SNX24: variants seen among roughly 807,000 people sequenced by gnomAD.
SNX24 encodes sorting nexin-24.
SNX24 carries 22 observed loss-of-function variants against 28.7 expected under a neutral mutation model. The observed-to-expected ratio is 0.77, with a 90% CI of 0.55 to 1.10. SNX24 has a LOEUF of 1.10. Among genes scored for constraint, SNX24 ranks in the 50% least tolerant of loss-of-function variants. SNX24 has a pLI of 0.00. For missense variants in SNX24, 221 were observed against 201.1 expected, an observed-to-expected ratio of 1.10 and a Z score of -0.60; for synonymous variants, 69 against 71.5, an observed-to-expected ratio of 0.96 and a Z score of 0.18.
intron 6 of SNX24, 23 bp from the exon 7 acceptor site, chr5:123,007,659 C>CTTTTTTTTT: frequency 3.5e-6 from 4 of 1,153,138 alleles, no homozygotes; most frequent in South Asian, 1.6e-5. Flanking sequence ...TTTTTTTTTT[C>CTTTTTTTTT]TTTTTTTTTT....
rs1254144686 is a variant in SNX24, at chr5:122,943,010, A to T, written c.145-3045A>T. Among the ~76,000 whole-genome samples the T allele has an allele frequency of 2.0e-5, 3 of 152,180 alleles. No homozygotes were observed. In the East Asian group the frequency reaches 5.8e-4, roughly 29 times the overall value. On this transcript the variant is annotated intron_variant, in intron 2 of 6. Transcript: ENST00000261369. ...TTTCTATTCTGAAATATATGTTGTG[A>T]TTCAATAGTTCAAAAGGAAGTTTCT...
intron 1 of SNX24, among the ~76,000 whole-genome samples, chr5:122,925,951 A>C (rs950337163): frequency 6.6e-6 from 1 of 152,200 alleles, no homozygotes; most frequent in South Asian, 2.1e-4. Flanking sequence ...AACAGACAAT[A>C]AACCAACCAA....
At chr5:122,859,295 A>G (rs995795256) in intron 1 of SNX24, among the ~76,000 whole-genome samples, 1 of 151,964 alleles carries the variant, frequency 6.6e-6, no homozygotes, top group African/African-American at 2.4e-5. Context: ...ACATATGGAG[A>G]TCCTGTTCCC....
At chr5:122,988,170 A>G (rs1214710721) in intron 3 of SNX24, among the ~76,000 whole-genome samples, 2 of 152,058 alleles carry the variant, frequency 1.3e-5, no homozygotes, top group East Asian at 3.9e-4. Flanking sequence ...AGGCCTGACA[A>G]GCTATCTAGG....
At chr5:122,927,612 A>G (rs796416473) in intron 1 of SNX24, among the ~76,000 whole-genome samples, 32 of 152,318 alleles carry the variant, frequency 2.1e-4, no homozygotes, top group African/African-American at 7.0e-4. Context: ...AAAGACAGGT[A>G]TAGGAGTTAG....
chr5:123,026,539 G>A (rs1381533135), intron 5 of SNX24, among the ~76,000 whole-genome samples: 2 of 152,228 alleles, frequency 1.3e-5, no homozygotes, highest in African/African-American at 4.8e-5. Context: ...GAAAATAGCA[G>A]AGCAGAATTT....
chr5:122,854,556 TA>T (rs55978890), intron 1 of SNX24, among the ~76,000 whole-genome samples: 8 of 149,646 alleles, frequency 5.3e-5, no homozygotes, highest in Non-Finnish European at 8.9e-5. Context: ...GTTACTTATG[TA>T]AAAAAAAAAT....
chr5:122,888,801 C>T (rs1756825749), intron 1 of SNX24, among the ~76,000 whole-genome samples: 1 of 152,162 alleles, frequency 6.6e-6, no homozygotes, highest in Non-Finnish European at 1.5e-5. Context: ...ACTATCAGCC[C>T]CCTCTGCCTG....
intron 1 of SNX24, among the ~76,000 whole-genome samples, chr5:122,882,625 GAC>G (rs1367353933): frequency 6.6e-6 from 1 of 152,144 alleles, no homozygotes; most frequent in Non-Finnish European, 1.5e-5. Context: ...CACAGGTGGG[GAC>G]ACAGTCATTT....
At position 122,962,073 on chromosome 5, in the gene SNX24, A is replaced by G. The variant is rs146125898; in HGVS notation, c.249+15914A>G. ...ATGAAGGCTACAGATAATTTCTTAGAACAACGTATGGCATTTCCTTTCATA... is the reference window on the plus strand; with the variant it reads ...ATGAAGGCTACAGATAATTTCTTAGGACAACGTATGGCATTTCCTTTCATA... On this transcript the variant is annotated intron_variant, in intron 3 of 6. Coordinates refer to ENST00000261369, the MANE Select transcript of SNX24 (RefSeq NM_014035.4). Among the ~76,000 whole-genome samples, 21 of 152,334 alleles carry G rather than the reference A, an allele frequency of 1.4e-4. 1 individual carries two copies. The East Asian group carries it at 3.3e-3, about 24-fold the overall frequency.
chr5:122,942,200 A>G (rs183810337), intron 2 of SNX24, among the ~76,000 whole-genome samples: 46 of 152,226 alleles, frequency 3.0e-4, no homozygotes, highest in Middle Eastern at 3.4e-3. Flanking sequence ...TTTATTCACA[A>G]AGGTTTCAGT....
intron 1 of SNX24, among the ~76,000 whole-genome samples, chr5:122,929,180 C>G (rs1480477486): frequency 6.6e-6 from 1 of 152,072 alleles, no homozygotes; most frequent in East Asian, 1.9e-4. Context: ...TCAGAGGTGT[C>G]TCTTCACTGC....
intron 3 of SNX24, among the ~76,000 whole-genome samples, chr5:122,955,272 T>C (rs1419602968): frequency 6.6e-6 from 1 of 152,214 alleles, no homozygotes; most frequent in African/African-American, 2.4e-5. Context: ...TATGTCTTCA[T>C]TGAGTCTCTT....
At chr5:122,998,958 A>G (rs1178159062) in intron 3 of SNX24, among the ~76,000 whole-genome samples, 2 of 151,948 alleles carry the variant, frequency 1.3e-5, no homozygotes, top group African/African-American at 2.4e-5. Flanking sequence ...TTTACCCATG[A>G]TAAGTTATGA....
chr5:122,950,433 G>T (rs1174444234), intron 3 of SNX24, among the ~76,000 whole-genome samples: 3 of 152,150 alleles, frequency 2.0e-5, no homozygotes, highest in Non-Finnish European at 1.5e-5. Context: ...CCCAAATTAA[G>T]CTACTGTAGT....
Position 122,956,405 on chromosome 5 carries a change from CAT to C in SNX24, c.249+10248_249+10249del, listed in dbSNP as rs1324248634. On this transcript the variant is annotated intron_variant, in intron 3 of 6. Coordinates refer to ENST00000261369, the MANE Select transcript of SNX24 (RefSeq NM_014035.4). Reference sequence around the variant, plus strand: ...ACACACACACACACACACACACACACATACACAGCCACCATATTTTTTTTAGC... The same window carrying C: ...ACACACACACACACACACACACACACACACAGCCACCATATTTTTTTTAGC... Among the ~76,000 whole-genome samples the C allele has an allele frequency of 6.2e-4, 91 of 146,508 alleles. 1 individual carries two copies. The highest frequency in any genetic ancestry group is 2.2e-3 in the African/African-American group (87 of 39,598).
At chr5:122,863,739 G>C (rs765456416) in intron 1 of SNX24, among the ~76,000 whole-genome samples, 7 of 152,124 alleles carry the variant, frequency 4.6e-5, no homozygotes, top group Non-Finnish European at 7.4e-5. Flanking sequence ...ATTTTTTGTA[G>C]AGGTGGGGTC....
At chr5:123,001,568 T>C in intron 5 of SNX24, 131 bp downstream of exon 5, 1 of 703,492 alleles carries the variant, frequency 1.4e-6, no homozygotes, top group South Asian at 1.9e-5. Context: ...ATTATAAATA[T>C]TTGATAGGGA....
chr5:122,924,479 C>T (rs917148420), intron 1 of SNX24, among the ~76,000 whole-genome samples: 3 of 152,076 alleles, frequency 2.0e-5, no homozygotes, highest in African/African-American at 7.2e-5. Flanking sequence ...GGGCAAGACA[C>T]CGTGGGACAG....
Sources: gnomAD v4.1 joint callset for allele counts (sites outside exome capture counted in the v4.1 genomes callset) on GRCh38, gnomAD v4.1.1 for gene constraint, MANE v1.5 for transcripts, NCBI Gene and HGNC (gene_info 2026-07-23, HGNC 2026-07-21) for gene names.